Variants in MBNL1 observed in about 807,000 individuals in gnomAD.
MBNL1 encodes muscleblind like splicing regulator 1.
MBNL1 carries 8 observed loss-of-function variants against 42.2 expected under a neutral mutation model. That is an observed-to-expected ratio of 0.19 (90% CI 0.11 to 0.34). MBNL1 has a LOEUF of 0.34. Among genes scored for constraint, MBNL1 ranks in the 10% least tolerant of loss-of-function variants. The pLI, the probability that MBNL1 is intolerant of heterozygous loss-of-function variation, is 1.00. For missense variants in MBNL1, 309 were observed against 495.3 expected (o/e 0.62, Z 3.57); for synonymous variants, 169 against 173.9 (o/e 0.97, Z 0.22).
intron 2 of MBNL1, among the ~76,000 whole-genome samples, chr3:152,369,156 A>G (rs2096553556): frequency 6.6e-6 from 1 of 152,156 alleles, no homozygotes; most frequent in Non-Finnish European, 1.5e-5. Flanking sequence ...TTTGTCATAA[A>G]TAGCTCTTAT....
chr3:152,419,713 G>C (rs1405559483), intron 3 of MBNL1, among the ~76,000 whole-genome samples: 1 of 151,476 alleles, frequency 6.6e-6, no homozygotes, highest in Non-Finnish European at 1.5e-5. Flanking sequence ...TTGTTTGTTT[G>C]TTTGTTTGTT....
At chr3:152,450,946 G>T (rs1367712822) in intron 6 of MBNL1, among the ~76,000 whole-genome samples, 1 of 152,112 alleles carries the variant, frequency 6.6e-6, no homozygotes, top group African/African-American at 2.4e-5. Context: ...TCTAATACCT[G>T]GGAGAAAAGG....
intron 9 of MBNL1, among the ~76,000 whole-genome samples, chr3:152,461,114 G>A (rs1245786496): frequency 6.6e-6 from 1 of 152,142 alleles, no homozygotes; most frequent in Non-Finnish European, 1.5e-5. Flanking sequence ...AGGAAACGAT[G>A]ATGGCTGAGA....
chr3:152,269,231 A>G (rs910644811), intron 1 of MBNL1, 139 bp downstream of exon 1: 5 of 359,124 alleles, frequency 1.4e-5, no homozygotes, highest in Admixed American at 1.0e-4. Context: ...CGCTCGCGGT[A>G]GTTGGTTTCG....
chr3:152,319,643 T>C (rs1231853862), intron 2 of MBNL1, among the ~76,000 whole-genome samples: 2 of 119,176 alleles, frequency 1.7e-5, no homozygotes, highest in East Asian at 5.1e-4. Flanking sequence ...TTTTTTTGGC[T>C]GGACAACAGA....
At chr3:152,333,636 C>T (rs2086996619) in intron 2 of MBNL1, among the ~76,000 whole-genome samples, 1 of 152,236 alleles carries the variant, frequency 6.6e-6, no homozygotes, top group South Asian at 2.1e-4. Flanking sequence ...ATCAGATATA[C>T]CCTATTAAAT....
At chr3:152,338,334 C>G (rs1415634223) in intron 2 of MBNL1, 4 of 985,396 alleles carry the variant, frequency 4.1e-6, no homozygotes, top group Non-Finnish European at 4.8e-6. Context: ...TTCCTTAGCC[C>G]TGTCCATTGA....
At chr3:152,309,617 G>A (rs1366123262) in intron 2 of MBNL1, among the ~76,000 whole-genome samples, 1 of 152,166 alleles carries the variant, frequency 6.6e-6, no homozygotes, top group Non-Finnish European at 1.5e-5. Context: ...ATTAAAGTCA[G>A]AAAAGCTAGG....
At chr3:152,327,889 T>G (rs2081435629) in intron 2 of MBNL1, among the ~76,000 whole-genome samples, 1 of 152,028 alleles carries the variant, frequency 6.6e-6, no homozygotes, top group Non-Finnish European at 1.5e-5. Flanking sequence ...ATTTGGAAGT[T>G]AAGTTGTTCT....
chr3:152,343,843 C>T (rs1410782679), intron 2 of MBNL1, among the ~76,000 whole-genome samples: 1 of 152,014 alleles, frequency 6.6e-6, no homozygotes, highest in African/African-American at 2.4e-5. Flanking sequence ...GTTTTTCATA[C>T]AGTGAAAAAT....
At chr3:152,351,269 T>TATACC (rs1187801330) in intron 2 of MBNL1, among the ~76,000 whole-genome samples, 2 of 152,224 alleles carry the variant, frequency 1.3e-5, no homozygotes, top group African/African-American at 4.8e-5. Context: ...TGCCATGGTT[T>TATACC]ATACCACTAT....
chr3:152,257,779 C>T (rs1041921091), intron 2 of MBNL1, among the ~76,000 whole-genome samples: 4 of 152,112 alleles, frequency 2.6e-5, no homozygotes, highest in African/African-American at 7.2e-5. Context: ...CTTCCTGTGG[C>T]GACAGCTCTG....
At chr3:152,391,055 A>G (rs575621025) in intron 2 of MBNL1, among the ~76,000 whole-genome samples, 16 of 152,352 alleles carry the variant, frequency 1.1e-4, no homozygotes, top group African/African-American at 3.4e-4. Flanking sequence ...ATCCTCTTAT[A>G]TAACCTTATC....
intron 2 of MBNL1, among the ~76,000 whole-genome samples, chr3:152,305,032 A>G (rs772757760): frequency 1.8e-4 from 28 of 152,134 alleles, no homozygotes; most frequent in Admixed American, 3.9e-4. Flanking sequence ...TTCTCATGAA[A>G]TCTTGCTTCA....
Position 152,271,975 on chromosome 3 carries a change from A to G in MBNL1, c.-790+2883A>G, listed in dbSNP as rs528558867. ...ATTTTTATATTTATGATATGTTTTA[A>G]TGATAATTTTTGATATATTGGTTCT... On this transcript the variant is annotated intron_variant, in intron 1 of 9. Transcript: ENST00000324210. Among the ~76,000 whole-genome samples, 13 of 152,162 alleles carry G rather than the reference A, an allele frequency of 8.5e-5. No individual in the cohort carries two copies. In the Middle Eastern group the frequency reaches 0.01, roughly 119 times the overall value.
At chr3:152,357,342 A>G (rs1031235327) in intron 2 of MBNL1, among the ~76,000 whole-genome samples, 4 of 152,168 alleles carry the variant, frequency 2.6e-5, no homozygotes, top group African/African-American at 4.8e-5. Context: ...CTTAGAGCCA[A>G]TTTTCTTATC....
At chr3:152,296,310 G>A (rs1207825137) in intron 1 of MBNL1, among the ~76,000 whole-genome samples, 2 of 152,148 alleles carry the variant, frequency 1.3e-5, no homozygotes, top group East Asian at 1.9e-4. Flanking sequence ...TATAGAGGAG[G>A]CAGAAAAAGA....
chr3:152,395,919 C>T (rs1268725011), intron 2 of MBNL1, among the ~76,000 whole-genome samples: 1 of 152,168 alleles, frequency 6.6e-6, no homozygotes, highest in Non-Finnish European at 1.5e-5. Flanking sequence ...GAGAGGTCCC[C>T]AACCCTGGGC....
chr3:152,382,777 C>T (rs187246154), intron 2 of MBNL1, among the ~76,000 whole-genome samples: 265 of 152,252 alleles, frequency 1.7e-3, no homozygotes, highest in Non-Finnish European at 2.9e-3. Flanking sequence ...TGTTTTTCCT[C>T]ACCTTTTAAA....
Sources: allele counts gnomAD v4.1 joint callset (sites outside exome capture counted in the v4.1 genomes callset), GRCh38; gene constraint gnomAD v4.1.1; transcripts MANE v1.5; gene names NCBI Gene and HGNC (gene_info 2026-07-23, HGNC 2026-07-21).